Variants in LCP2 observed in about 807,000 individuals in gnomAD.
LCP2 encodes the protein lymphocyte cytosolic protein 2.
A neutral mutation model predicts 74.5 loss-of-function variants in LCP2; 29 were observed. The ratio of observed to expected loss-of-function variants is 0.39; its 90% CI spans 0.29 to 0.53. The LOEUF (loss-of-function observed/expected upper bound fraction) is 0.53, where lower values mean the gene tolerates loss of function less well. Ranked by LOEUF, LCP2 falls within the 20% of genes least tolerant of loss-of-function variation. The pLI is 0.72. For missense variants in LCP2, 604 were observed against 634.6 expected (o/e 0.95, Z 0.52); for synonymous variants, 228 against 229.5 (o/e 0.99, Z 0.06).
At chr5:170,277,074 TAAAAAAAAAAAA>T (rs750930541) in intron 3 of LCP2, among the ~76,000 whole-genome samples, 1 of 91,142 alleles carries the variant, frequency 1.1e-5, no homozygotes, top group Non-Finnish European at 2.1e-5. Flanking sequence ...GACTCCATCT[TAAAAAAAAAAAA>T]AAAAAAAAAA....
chr5:170,260,237 C>T (rs1367494491), intron 14 of LCP2, among the ~76,000 whole-genome samples: 2 of 152,238 alleles, frequency 1.3e-5, no homozygotes, highest in Admixed American at 1.3e-4. Flanking sequence ...CCCGTGATTG[C>T]ATGCTGTCTG....
intron 10 of LCP2, 102 bp downstream of exon 10, chr5:170,266,706 T>C: frequency 1.0e-6 from 1 of 981,782 alleles, no homozygotes; most frequent in Non-Finnish European, 1.6e-6. Flanking sequence ...TTCCTAGTAT[T>C]GTGGCCATAG....
At chr5:170,263,919 T>C (rs1489864162) in intron 10 of LCP2, among the ~76,000 whole-genome samples, 1 of 152,220 alleles carries the variant, frequency 6.6e-6, no homozygotes. Context: ...AAGTTGGTCA[T>C]ACAAATTGGG....
intron 6 of LCP2, among the ~76,000 whole-genome samples, chr5:170,272,637 GTCTC>G (rs1170208418): frequency 5.9e-5 from 4 of 67,552 alleles, no homozygotes; most frequent in Non-Finnish European, 1.0e-4. Flanking sequence ...TTGAGATGGA[GTCTC>G]TCTCTGTCAC....
intron 10 of LCP2, 136 bp downstream of exon 10, chr5:170,266,672 G>C: frequency 1.3e-6 from 1 of 773,136 alleles, no homozygotes; most frequent in South Asian, 1.6e-5. Context: ...TCTGTAAAAT[G>C]AGGATGATTC....
At position 170,256,540 on chromosome 5, in the gene LCP2, G is replaced by A. The variant is rs1308034288; in HGVS notation, c.1136C>T (p.Pro379Leu). 2 of 1,613,000 alleles carry A rather than the reference G, an allele frequency of 1.2e-6. No individual in the cohort carries two copies. Among genetic ancestry groups the A allele is most frequent in the Non-Finnish European group, 1.7e-6 (2 of 1,179,020 alleles). ...AGAGTACAAACCTTGAGAGAAGTATGGTGGCAGGGAGGCACTCTGTGGAAA... is the reference window on the plus strand; with the variant it reads ...AGAGTACAAACCTTGAGAGAAGTATAGTGGCAGGGAGGCACTCTGTGGAAA... Reference protein sequence around the residue: ...SSFPQSASLPPYFSQGPSNRP... With the variant: ...SSFPQSASLPLYFSQGPSNRP... Residue 379 changes from proline to leucine, a missense_variant, in exon 17 of 21, where the codon CCA (proline) becomes CTA (leucine). Physicochemically the swap from Pro to Leu is moderately conservative, Grantham distance 98 (BLOSUM62 -3). Coordinates refer to ENST00000046794, the MANE Select transcript of LCP2 (RefSeq NM_005565.5). This position sits in a 1 kb window ranked among gnomAD's most constrained non-coding sequence, Gnocchi z 4.5.
intron 14 of LCP2, 125 bp downstream of exon 14, chr5:170,260,982 C>A (rs993806003): frequency 1.1e-4 from 77 of 717,090 alleles, no homozygotes; most frequent in Middle Eastern, 2.3e-4. Flanking sequence ...AGAGACGAGA[C>A]CCCTGGGTGC....
chr5:170,275,464 C>T (rs1404143809), intron 4 of LCP2, 113 bp from the exon 5 acceptor site: 2 of 1,214,820 alleles, frequency 1.6e-6, no homozygotes, highest in Non-Finnish European at 1.2e-6. Context: ...TGTCTCACTG[C>T]TCAAGAGAGG....
chr5:170,248,940 A>G, intron 20 of LCP2, 121 bp from the exon 21 acceptor site: 1 of 965,588 alleles, frequency 1.0e-6, no homozygotes, highest in East Asian at 2.7e-5. Context: ...TGTGGGGGGA[A>G]AAAATGTAAA....
chr5:170,249,351 T>TGCATG (rs1055621710), intron 20 of LCP2, among the ~76,000 whole-genome samples: 2 of 124,510 alleles, frequency 1.6e-5, no homozygotes, highest in African/African-American at 5.7e-5. Context: ...ATAAAATATG[T>TGCATG]GCATGCGTGT....
chr5:170,281,252 C>T (rs1284216737), intron 3 of LCP2, among the ~76,000 whole-genome samples: 1 of 151,568 alleles, frequency 6.6e-6, no homozygotes, highest in African/African-American at 2.4e-5. Flanking sequence ...TGGAGAGAGG[C>T]CCTGTTTTGG....
intron 3 of LCP2, among the ~76,000 whole-genome samples, chr5:170,279,439 GCTGCCCTCAC>G (rs1418765337): frequency 6.6e-6 from 1 of 152,198 alleles, no homozygotes; most frequent in Non-Finnish European, 1.5e-5. Flanking sequence ...AGACAAGGCA[GCTGCCCTCAC>G]TTGGCCCCAG....
Position 170,275,217 on chromosome 5 carries a change from G to T in LCP2, c.286+103C>A, listed in dbSNP as rs1366565456. 4.0e-6 allele frequency: 5 copies of T among 1,249,838 alleles called. No homozygotes were observed. The African/African-American group carries it at 7.4e-5, about 19-fold the overall frequency. 77.4% of individuals were successfully genotyped at this position (1,249,838 alleles called of 1,614,324 possible). On this transcript the variant is annotated intron_variant, in intron 5 of 20. Coordinates refer to ENST00000046794, the MANE Select transcript of LCP2 (RefSeq NM_005565.5). ...ACTGGCTGACAGACAAGTCAGTAAGGTCACCTGAATGAACTCAAGGAGCCC... is the reference window on the plus strand; with the variant it reads ...ACTGGCTGACAGACAAGTCAGTAAGTTCACCTGAATGAACTCAAGGAGCCC...
intron 17 of LCP2, 30 bp from the exon 18 acceptor site, chr5:170,253,243 T>C (rs1351367494): frequency 6.9e-7 from 1 of 1,444,628 alleles, no homozygotes; most frequent in Admixed American, 1.9e-5. Flanking sequence ...TGACAGTTAA[T>C]TTACTGTAAG....
chr5:170,252,167 ACT>A (rs1233659925), intron 19 of LCP2: 10 of 283,708 alleles, frequency 3.5e-5, no homozygotes, highest in Non-Finnish European at 2.7e-5. Flanking sequence ...GACAAGACAG[ACT>A]CTTTCATTAA....
intron 2 of LCP2, among the ~76,000 whole-genome samples, chr5:170,288,372 A>T (rs1762221333): frequency 6.6e-6 from 1 of 152,110 alleles, no homozygotes; most frequent in South Asian, 2.1e-4. Flanking sequence ...CCATGTTAGG[A>T]CCTCTTCCCT....
chr5:170,285,049 C>T (rs1762161955), intron 3 of LCP2, among the ~76,000 whole-genome samples: 1 of 152,132 alleles, frequency 6.6e-6, no homozygotes, highest in Non-Finnish European at 1.5e-5. Context: ...CTGTGCCCGG[C>T]CCCTTGATGC....
At chr5:170,254,844 A>T (rs1461172598) in intron 17 of LCP2, among the ~76,000 whole-genome samples, 1 of 152,200 alleles carries the variant, frequency 6.6e-6, no homozygotes, top group Admixed American at 6.5e-5. Context: ...GGGAGTCATG[A>T]CAGGTTTTTG....
At chr5:170,281,416 A>T (rs1203371290) in intron 3 of LCP2, among the ~76,000 whole-genome samples, 1 of 152,038 alleles carries the variant, frequency 6.6e-6, no homozygotes, top group African/African-American at 2.4e-5. Flanking sequence ...AGTAGCTGGG[A>T]CTACAGGTGC....
Sources: allele counts gnomAD v4.1 joint callset (sites outside exome capture counted in the v4.1 genomes callset), GRCh38; gene constraint gnomAD v4.1.1; non-coding constraint Gnocchi (gnomAD v3.1); transcripts MANE v1.5; gene names NCBI Gene and HGNC (gene_info 2026-07-23, HGNC 2026-07-21).